Variants in TTC27 observed in about 807,000 individuals in gnomAD.
The protein encoded by TTC27 is tetratricopeptide repeat protein 27.
A neutral mutation model predicts 115.9 loss-of-function variants in TTC27; 79 were observed. That is an observed-to-expected ratio of 0.68 (90% CI 0.57 to 0.82). The LOEUF is 0.82. Among genes scored for constraint, TTC27 ranks in the 40% least tolerant of loss-of-function variants. The pLI is 0.00. For synonymous variants in TTC27, 401 were observed against 356.0 expected (o/e 1.13, Z -1.42); for missense variants, 1,054 against 993.1 (o/e 1.06, Z -0.82).
intron 13 of TTC27, among the ~76,000 whole-genome samples, chr2:32,761,364 A>G (rs1372382497): frequency 6.6e-6 from 1 of 152,146 alleles, no homozygotes; most frequent in Non-Finnish European, 1.5e-5. Flanking sequence ...CACCTGATTA[A>G]TTATGTTACC....
chr2:32,709,321 C>T (rs944896343), intron 10 of TTC27, among the ~76,000 whole-genome samples: 5 of 152,128 alleles, frequency 3.3e-5, no homozygotes, highest in African/African-American at 9.7e-5. Context: ...AACTAGCAAA[C>T]ACTACCATAA....
chr2:32,772,887 A>G (rs1302966153), intron 13 of TTC27, among the ~76,000 whole-genome samples: 1 of 152,102 alleles, frequency 6.6e-6, no homozygotes, highest in East Asian at 1.9e-4. Context: ...ATTTTAGCCT[A>G]GTCCACCCCT....
intron 19 of TTC27, among the ~76,000 whole-genome samples, chr2:32,818,601 T>A (rs912524086): frequency 1.3e-5 from 2 of 152,222 alleles, no homozygotes; most frequent in African/African-American, 4.8e-5. Context: ...TCCTATGTGA[T>A]TTTACTCTGC....
chr2:32,752,069 C>A (rs1224095523), intron 12 of TTC27, among the ~76,000 whole-genome samples: 1 of 152,194 alleles, frequency 6.6e-6, no homozygotes, highest in East Asian at 1.9e-4. Flanking sequence ...ATGCTGATTG[C>A]AAATAACTAT....
At chr2:32,667,996 T>C (rs1304728158) in intron 7 of TTC27, among the ~76,000 whole-genome samples, 3 of 150,620 alleles carry the variant, frequency 2.0e-5, no homozygotes, top group African/African-American at 7.3e-5. Flanking sequence ...CCATCCTGGC[T>C]AACATGGTGA....
At chr2:32,682,094 C>A (rs1666451913) in intron 9 of TTC27, among the ~76,000 whole-genome samples, 1 of 151,324 alleles carries the variant, frequency 6.6e-6, no homozygotes, top group African/African-American at 2.4e-5. Flanking sequence ...TCTAGGCTCT[C>A]TACAAGGGTT....
chr2:32,633,495 C>T (rs1664292267), intron 2 of TTC27, among the ~76,000 whole-genome samples: 1 of 152,018 alleles, frequency 6.6e-6, no homozygotes. Context: ...TTACTACAGC[C>T]TCAAACTCCT....
chr2:32,713,243 C>T (rs1667642833), intron 10 of TTC27, among the ~76,000 whole-genome samples: 1 of 152,192 alleles, frequency 6.6e-6, no homozygotes, highest in Admixed American at 6.5e-5. Flanking sequence ...TACAGCAACA[C>T]AAAGGGGCTA....
chr2:32,773,212 C>T (rs928928203), intron 13 of TTC27, among the ~76,000 whole-genome samples: 3 of 152,194 alleles, frequency 2.0e-5, no homozygotes, highest in Non-Finnish European at 4.4e-5. Context: ...AGGTTATTGG[C>T]TGCATACAGC....
chr2:32,776,434 A>C (rs1669999799), intron 13 of TTC27, among the ~76,000 whole-genome samples: 2 of 152,136 alleles, frequency 1.3e-5, no homozygotes, highest in Admixed American at 1.3e-4. Context: ...TTCCTAACCT[A>C]AACTGTCCAA....
chr2:32,698,936 G>A (rs982494790), intron 9 of TTC27, among the ~76,000 whole-genome samples: 18 of 152,024 alleles, frequency 1.2e-4, no homozygotes, highest in African/African-American at 4.4e-4. Flanking sequence ...TATGTCCTTG[G>A]GAGCATATGT....
chr2:32,693,993 G>A (rs573137096), intron 9 of TTC27, among the ~76,000 whole-genome samples: 2 of 152,230 alleles, frequency 1.3e-5, no homozygotes, highest in East Asian at 3.9e-4. Context: ...CTTGTATCGA[G>A]AACAAATAAA....
chr2:32,809,934 T>C (rs10192092), intron 16 of TTC27, among the ~76,000 whole-genome samples: 32,941 of 151,742 alleles, frequency 0.22, 3,680 homozygotes, highest in Admixed American at 0.27. Flanking sequence ...CTGGCCAACA[T>C]AGTGAAACCC....
chr2:32,748,970 G>A (rs1668921030), intron 12 of TTC27, among the ~76,000 whole-genome samples: 1 of 152,108 alleles, frequency 6.6e-6, no homozygotes, highest in Non-Finnish European at 1.5e-5. Context: ...TTACAGGCGT[G>A]AGCCACCATG....
At position 32,647,210 on chromosome 2, in the gene TTC27, G is replaced by A. The variant is rs116299402; in HGVS notation, c.538-2921G>A. On this transcript the variant is annotated intron_variant, in intron 4 of 19. Transcript: ENST00000317907. Reference sequence around the variant, plus strand: ...GAGCTTCCTGCTACCCAAAGTGCTGGGATTGCAAGTGTGAGCCACCGTGCC... The same window carrying A: ...GAGCTTCCTGCTACCCAAAGTGCTGAGATTGCAAGTGTGAGCCACCGTGCC... 6.6e-3 allele frequency among the ~76,000 whole-genome samples: 1,010 copies of A among 151,918 alleles called. 4 individuals carry two copies. Among genetic ancestry groups the A allele is most frequent in the Non-Finnish European group, 9.9e-3 (671 of 67,958 alleles).
In TTC27 at chr2:32,810,521, G is replaced by T. The variant is rs137935266; in HGVS notation, c.1999-503G>T. 2.5e-3 allele frequency among the ~76,000 whole-genome samples: 375 copies of T among 152,306 alleles called. 1 individual carries two copies. The highest frequency in any genetic ancestry group is 4.0e-3 in the Non-Finnish European group (270 of 68,016). ...TTGGCTTTGGGAACTGTGTGGATAG[G>T]CTCACCTAGAGATTACAGGAAGAAG... is the stretch of plus-strand genomic sequence containing the variant. On this transcript the variant is annotated intron_variant, in intron 16 of 19. Coordinates refer to ENST00000317907, the MANE Select transcript of TTC27 (RefSeq NM_017735.5).
At chr2:32,696,110 C>G (rs1437935772) in intron 9 of TTC27, among the ~76,000 whole-genome samples, 5 of 146,000 alleles carry the variant, frequency 3.4e-5, no homozygotes, top group African/African-American at 1.3e-4. Context: ...GGTGACAGAG[C>G]GAGACTCTAC....
At chr2:32,740,833 T>C (rs1193986133) in intron 12 of TTC27, among the ~76,000 whole-genome samples, 1 of 152,144 alleles carries the variant, frequency 6.6e-6, no homozygotes, top group Non-Finnish European at 1.5e-5. Flanking sequence ...TTTTGTATTT[T>C]TAGTAGAGAT....
chr2:32,769,555 A>G (rs1669759038), intron 13 of TTC27, among the ~76,000 whole-genome samples: 1 of 152,184 alleles, frequency 6.6e-6, no homozygotes, highest in African/African-American at 2.4e-5. Flanking sequence ...GAAGGCAGAA[A>G]TGAAAGACTC....
Sources: allele counts gnomAD v4.1 joint callset (sites outside exome capture counted in the v4.1 genomes callset), GRCh38; gene constraint gnomAD v4.1.1; transcripts MANE v1.5; gene names NCBI Gene and HGNC (gene_info 2026-07-23, HGNC 2026-07-21).